FLNB: variants seen among roughly 807,000 people sequenced by gnomAD.
FLNB encodes filamin B.
FLNB carries 111 observed loss-of-function variants against 250.6 expected under a neutral mutation model. The ratio of observed to expected loss-of-function variants is 0.44; its 90% CI spans 0.38 to 0.52. The LOEUF is 0.52. Ranked by LOEUF, FLNB falls within the 20% of genes least tolerant of loss-of-function variation. The probability of loss-of-function intolerance (pLI) is 0.00; values close to 1 mark genes in which losing one functional copy is unlikely to be tolerated. For missense variants in FLNB, 2,869 were observed against 3,447.8 expected (o/e 0.83, Z 4.20); for synonymous variants, 1,302 against 1,372.1 (o/e 0.95, Z 1.13).
chr3:58,062,652 G>A (rs1252399853), intron 1 of FLNB, among the ~76,000 whole-genome samples: 2 of 152,186 alleles, frequency 1.3e-5, no homozygotes, highest in Non-Finnish European at 2.9e-5. Context: ...GGAGGAGTTG[G>A]GGTGGCCTGC....
At chr3:58,022,509 T>G (rs2097115562) in intron 1 of FLNB, among the ~76,000 whole-genome samples, 1 of 152,200 alleles carries the variant, frequency 6.6e-6, no homozygotes, top group Non-Finnish European at 1.5e-5. Flanking sequence ...GAAAATGAAT[T>G]TAATAGGAAA....
chr3:58,051,685 GT>G (rs761191400), intron 1 of FLNB, among the ~76,000 whole-genome samples: 33 of 149,178 alleles, frequency 2.2e-4, no homozygotes, highest in African/African-American at 7.4e-4. Flanking sequence ...GTTTTTTTGG[GT>G]TTTTTTTTTA....
intron 1 of FLNB, among the ~76,000 whole-genome samples, chr3:58,067,687 C>T (rs1039727733): frequency 3.3e-5 from 5 of 151,464 alleles, no homozygotes; most frequent in African/African-American, 1.2e-4. Context: ...AGCTCCGCCT[C>T]CCAGGTTCAC....
chr3:58,170,934 C>A lies in FLNB; in HGVS notation c.*172C>A. The stretch of plus-strand genomic sequence containing the variant: ...AGTCCTAGACTGGACTCTTGAGGGA[C>A]ATATTGGAGAATCTTAAGAAATGCA... On this transcript the variant is annotated 3_prime_UTR_variant, in exon 46 of 46. Coordinates refer to ENST00000295956, the MANE Select transcript of FLNB (RefSeq NM_001457.4). 1 of 633,318 alleles carries A rather than the reference C, an allele frequency of 1.6e-6. No individual in the cohort carries two copies. The highest frequency in any genetic ancestry group is 2.7e-5 in the Admixed American group (1 of 37,402). 39.2% of individuals were successfully genotyped at this position (633,318 alleles called of 1,614,324 possible). A position where few individuals can be genotyped will look rare whatever the true frequency, so the allele number is the denominator to read the frequency against.
intron 1 of FLNB, among the ~76,000 whole-genome samples, chr3:58,041,581 C>A (rs839247): frequency 0.2 from 31,114 of 152,100 alleles, 4,615 homozygotes; most frequent in East Asian, 0.49. Context: ...CAACCTTTTC[C>A]TTCCTAACTT....
intron 1 of FLNB, among the ~76,000 whole-genome samples, chr3:58,068,184 C>CT (rs2106911497): frequency 6.6e-6 from 1 of 152,348 alleles, no homozygotes; most frequent in South Asian, 2.1e-4. Context: ...GGGAGGCTGA[C>CT]TGACCATCTA....
chr3:58,130,776 GACCCC>G lies in FLNB; in HGVS notation c.4260_4264del (p.Asp1420GlufsTer75). ...CAGGGTTCCTGTGAAGGATGTTGTGGACCCCAGCAAGGTCAAGATTGCCGGCCCCG... is the reference window on the plus strand; with the variant it reads ...CAGGGTTCCTGTGAAGGATGTTGTGGAGCAAGGTCAAGATTGCCGGCCCCG... On this transcript the variant is annotated frameshift_variant, in exon 25 of 46. Transcript: ENST00000295956. LOFTEE classifies it high-confidence loss of function. 2 of 1,613,914 alleles carry G rather than the reference GACCCC, an allele frequency of 1.2e-6. No homozygotes were observed. Among genetic ancestry groups the G allele is most frequent in the Non-Finnish European group, 1.7e-6 (2 of 1,179,950 alleles).
At position 58,163,031 on chromosome 3, in the gene FLNB, G is replaced by A. The variant is rs2097364259; in HGVS notation, c.7022-123G>A. 3 of 962,328 alleles carry A rather than the reference G, an allele frequency of 3.1e-6. No homozygotes were observed. The South Asian group carries it at 4.1e-5, about 13-fold the overall frequency. 59.6% of individuals were successfully genotyped at this position (962,328 alleles called of 1,614,324 possible). A position where few individuals can be genotyped will look rare whatever the true frequency, so the allele number is the denominator to read the frequency against. ...TGAAATCCAGGATGCTGAGTGCCAG[G>A]CTCCCTGTAGAACTGTTGATTTTAA... On this transcript the variant is annotated intron_variant, in intron 42 of 45. Transcript: ENST00000295956.
At chr3:58,134,479 C>T (rs903009838) in intron 26 of FLNB, 137 bp from the exon 27 acceptor site, 3 of 993,360 alleles carry the variant, frequency 3.0e-6, no homozygotes, top group African/African-American at 3.2e-5. Flanking sequence ...TAGACTTAGG[C>T]ACCTTGACTA....
chr3:58,161,111 C>A (rs1478031460), intron 42 of FLNB, among the ~76,000 whole-genome samples: 2 of 152,180 alleles, frequency 1.3e-5, no homozygotes, highest in Non-Finnish European at 2.9e-5. Flanking sequence ...TGGTTTTAGT[C>A]TGAAAGGCCA....
chr3:58,051,487 A>G (rs2097162343), intron 1 of FLNB, among the ~76,000 whole-genome samples: 1 of 152,092 alleles, frequency 6.6e-6, no homozygotes, highest in Non-Finnish European at 1.5e-5. Flanking sequence ...CTGGTCTGCT[A>G]CGTGTCCATC....
At chr3:58,028,442 C>A (rs2097126394) in intron 1 of FLNB, among the ~76,000 whole-genome samples, 1 of 151,454 alleles carries the variant, frequency 6.6e-6, no homozygotes, top group African/African-American at 2.4e-5. Context: ...CAGAATGATT[C>A]TAGAGAAGCT....
chr3:58,104,462 C>T (rs542744760), intron 10 of FLNB, among the ~76,000 whole-genome samples: 14 of 152,286 alleles, frequency 9.2e-5, no homozygotes, highest in Middle Eastern at 3.4e-3. Flanking sequence ...ACATTAAGAC[C>T]GTCTACGTGA....
intron 1 of FLNB, among the ~76,000 whole-genome samples, chr3:58,052,868 T>C (rs1299482203): frequency 6.6e-6 from 1 of 152,186 alleles, no homozygotes; most frequent in Non-Finnish European, 1.5e-5. Context: ...TGAAACCCCA[T>C]GGTCACCCTC....
At chr3:58,046,385 C>T (rs2097154198) in intron 1 of FLNB, among the ~76,000 whole-genome samples, 1 of 152,102 alleles carries the variant, frequency 6.6e-6, no homozygotes, top group Non-Finnish European at 1.5e-5. Flanking sequence ...TAAAATTCAC[C>T]CTTTTAAAGT....
At chr3:58,149,786 A>G in intron 36 of FLNB, 64 bp from the exon 37 acceptor site, 16 of 1,602,738 alleles carry the variant, frequency 1.0e-5, no homozygotes, top group East Asian at 8.9e-5. Context: ...TCCTTTCTCC[A>G]TTCATCAGGC....
chr3:58,013,044 G>C (rs79974165), intron 1 of FLNB, among the ~76,000 whole-genome samples: 1 of 152,196 alleles, frequency 6.6e-6, no homozygotes, highest in Non-Finnish European at 1.5e-5. Context: ...CTTGTTATGT[G>C]ATGGGCAGTT....
At chr3:58,016,875 A>C (rs1221018941) in intron 1 of FLNB, among the ~76,000 whole-genome samples, 1 of 152,222 alleles carries the variant, frequency 6.6e-6, no homozygotes, top group Non-Finnish European at 1.5e-5. Flanking sequence ...TTTTATAATG[A>C]TTACAGTTGC....
intron 7 of FLNB, 138 bp downstream of exon 7, chr3:58,098,115 G>A: frequency 5.3e-6 from 5 of 945,570 alleles, no homozygotes; most frequent in Non-Finnish European, 8.3e-6. Flanking sequence ...TTTCAAATGT[G>A]TTATATTAGA....
Sources: allele counts gnomAD v4.1 joint callset (sites outside exome capture counted in the v4.1 genomes callset), GRCh38; gene constraint gnomAD v4.1.1; transcripts MANE v1.5; gene names NCBI Gene and HGNC (gene_info 2026-07-23, HGNC 2026-07-21).